PDHA1: variants seen among roughly 807,000 people sequenced by gnomAD.
The protein encoded by PDHA1 is pyruvate dehydrogenase E1 subunit alpha 1.
Under a neutral mutation model 33.0 loss-of-function variants are expected in PDHA1, and 1 was observed. That is an observed-to-expected ratio of 0.03 (90% CI 0.01 to 0.14). The LOEUF is 0.14. Among genes scored for constraint, PDHA1 ranks in the 10% least tolerant of loss-of-function variants. PDHA1 has a pLI of 1.00. For synonymous variants in PDHA1, 123 were observed against 119.2 expected (o/e 1.03, Z -0.21); for missense variants, 168 against 325.1 (o/e 0.52, Z 3.72).
At chrX:19,352,609 A>G (rs1412764243) in intron 4 of PDHA1, among the ~76,000 whole-genome samples, 6 of 112,539 alleles carry the variant, frequency 5.3e-5, no homozygotes, top group Non-Finnish European at 1.1e-4. Flanking sequence ...GAGTATACAA[A>G]AATCCTCAAA....
chrX:19,361,710 A>G lies in PDHA1; in HGVS notation c.*2057A>G. Reference sequence around the variant, plus strand: ...ATGTGATGTGAAAAAGAGATGAATTAACCCTGTATCACTGAACCACGCTAA... The same window carrying G: ...ATGTGATGTGAAAAAGAGATGAATTGACCCTGTATCACTGAACCACGCTAA... On this transcript the variant is annotated 3_prime_UTR_variant, in exon 11 of 11. Transcript: ENST00000422285. The G allele has an allele frequency of 7.8e-6, 4 of 514,690 alleles. No homozygotes were observed. In the South Asian group the frequency reaches 1.2e-4, roughly 15 times the overall value. 42.4% of individuals were successfully genotyped at this position (514,690 alleles called of 1,213,427 possible). A position where few individuals can be genotyped will look rare whatever the true frequency, so the allele number is the denominator to read the frequency against.
chrX:19,355,614 G>A, intron 7 of PDHA1, 72 bp from the exon 8 acceptor site: 1 of 1,128,778 alleles, frequency 8.9e-7, no homozygotes, highest in Middle Eastern at 2.4e-4. Flanking sequence ...TCATACAGGA[G>A]CAGGTCATGT....
intron 8 of PDHA1, 131 bp downstream of exon 8, chrX:19,355,888 G>A (rs2063193969): frequency 1.9e-6 from 1 of 537,898 alleles, no homozygotes; most frequent in Admixed American, 2.7e-5. Flanking sequence ...CAGAGTGAAG[G>A]GAGCAGGGCT....
At position 19,360,682 on chromosome X, in the gene PDHA1, A is replaced by G; in HGVS notation, c.*1029A>G. 2 of 855,884 alleles carry G rather than the reference A, an allele frequency of 2.3e-6. No individual in the cohort carries two copies. Among genetic ancestry groups the G allele is most frequent in the South Asian group, 2.1e-5 (1 of 47,464 alleles). The allele number at this position is 855,884 out of a possible 1,213,427, so 70.5% of individuals were successfully genotyped here. ...TAAACACAGCGGAATTCGTGTATAC[A>G]CTAACAGAAGCTTTAACAAAACATG... is the stretch of plus-strand genomic sequence containing the variant. On this transcript the variant is annotated 3_prime_UTR_variant, in exon 11 of 11. Transcript: ENST00000422285.
chrX:19,348,050 G>A (rs1367917614), intron 1 of PDHA1, among the ~76,000 whole-genome samples: 1 of 112,681 alleles, frequency 8.9e-6, no homozygotes, highest in Non-Finnish European at 1.9e-5. Flanking sequence ...ACCAAGATCA[G>A]TCCAGTGCTG....
intron 1 of PDHA1, 85 bp downstream of exon 1, chrX:19,344,179 CAGAG>C: frequency 2.3e-6 from 2 of 878,716 alleles, no homozygotes; most frequent in Non-Finnish European, 3.2e-6. Flanking sequence ...CCGGGCCACC[CAGAG>C]CGGGGTGGAA....
chrX:19,355,850 C>G, intron 8 of PDHA1, 93 bp downstream of exon 8: 1 of 657,760 alleles, frequency 1.5e-6, no homozygotes, highest in Admixed American at 2.3e-5. Flanking sequence ...TAGTGGGTAC[C>G]TGCTAATTGA....
At chrX:19,357,851 A>ATCAAGTTATCTG in intron 9 of PDHA1, 132 bp downstream of exon 9, 1 of 541,656 alleles carries the variant, frequency 1.8e-6, no homozygotes, top group Non-Finnish European at 3.3e-6. Flanking sequence ...TGTGTTGGGC[A>ATCAAGTTATCTG]TCAAGTTATC....
intron 1 of PDHA1, among the ~76,000 whole-genome samples, chrX:19,347,301 A>C (rs1330802762): frequency 8.9e-6 from 1 of 112,707 alleles, no homozygotes; most frequent in Non-Finnish European, 1.9e-5. Flanking sequence ...AATGAATGGT[A>C]AACTTATCTT....
chrX:19,359,867 A>AAATAGTATACTTTGAACAAAT lies in PDHA1; in HGVS notation c.*216_*236dup. ...GTGCTTAAAGATTATTTTTGACTTA[A>AAATAGTATACTTTGAACAAAT]AATAGTATACTTTGAACAAATACTC... On this transcript the variant is annotated 3_prime_UTR_variant, in exon 11 of 11. Coordinates refer to ENST00000422285, the MANE Select transcript of PDHA1 (RefSeq NM_000284.4). The AAATAGTATACTTTGAACAAAT allele has an allele frequency of 2.2e-6, 1 of 452,747 alleles. No homozygotes were observed. The highest frequency in any genetic ancestry group is 3.9e-6 in the Non-Finnish European group (1 of 255,133). 37.3% of individuals were successfully genotyped at this position (452,747 alleles called of 1,213,427 possible). A position where few individuals can be genotyped will look rare whatever the true frequency, so the allele number is the denominator to read the frequency against.
At chrX:19,354,628 G>A (rs374502252) in intron 6 of PDHA1, 45 bp downstream of exon 6, 1 of 786,322 alleles carries the variant, frequency 1.3e-6, no homozygotes, top group Non-Finnish European at 2.0e-6. Context: ...TATTTTCAAA[G>A]TCTTTAATAT....
chrX:19,359,095 TTG>T (rs748177426), intron 10 of PDHA1, 71 bp downstream of exon 10: 2 of 610,915 alleles, frequency 3.3e-6, no homozygotes, highest in Non-Finnish European at 5.7e-6. Flanking sequence ...GCCACAGAGT[TTG>T]TGTGGGTTCC....
At chrX:19,359,134 G>A (rs939437570) in intron 10 of PDHA1, 110 bp downstream of exon 10, 2 of 525,698 alleles carry the variant, frequency 3.8e-6, no homozygotes, top group South Asian at 2.6e-5. Context: ...GATGTCCTGG[G>A]ACATAAATAG....
At chrX:19,354,720 C>A in intron 6 of PDHA1, 137 bp downstream of exon 6, 1 of 523,130 alleles carries the variant, frequency 1.9e-6, no homozygotes, top group Non-Finnish European at 3.4e-6. Flanking sequence ...ATTTGGTTGA[C>A]TTATGGCCAG....
intron 8 of PDHA1, among the ~76,000 whole-genome samples, chrX:19,356,451 G>GAGAC (rs1458148398): frequency 5.4e-5 from 6 of 111,984 alleles, no homozygotes; most frequent in African/African-American, 2.0e-4. Flanking sequence ...ACAAAGTGGA[G>GAGAC]AGACAGGGAA....
At chrX:19,354,763 A>C (rs2063184205) in intron 6 of PDHA1, among the ~76,000 whole-genome samples, 180 bp downstream of exon 6, 1 of 113,034 alleles carries the variant, frequency 8.8e-6, no homozygotes, top group African/African-American at 3.2e-5. Context: ...TTGTTTCACA[A>C]GAGACTTACG....
intron 1 of PDHA1, among the ~76,000 whole-genome samples, chrX:19,345,582 A>ATT (rs2063126529): frequency 9.7e-6 from 1 of 103,625 alleles, no homozygotes; most frequent in African/African-American, 3.5e-5. Flanking sequence ...TAAAAAAAAA[A>ATT]AAAAAAAAAA....
At chrX:19,353,608 G>A (rs769444525) in intron 5 of PDHA1, among the ~76,000 whole-genome samples, 1 of 111,529 alleles carries the variant, frequency 9.0e-6, no homozygotes, top group Non-Finnish European at 1.9e-5. Context: ...GTTAAGTGAC[G>A]CGTGACTATT....
chrX:19,347,280 T>C (rs1261532835), intron 1 of PDHA1, among the ~76,000 whole-genome samples: 1 of 112,460 alleles, frequency 8.9e-6, no homozygotes, highest in African/African-American at 3.2e-5. Flanking sequence ...TTTTTATGGC[T>C]CTCCAGAGAA....
Sources: gnomAD v4.1 joint callset for allele counts (sites outside exome capture counted in the v4.1 genomes callset) on GRCh38, gnomAD v4.1.1 for gene constraint, MANE v1.5 for transcripts, NCBI Gene and HGNC (gene_info 2026-07-23, HGNC 2026-07-21) for gene names.